Variants in UBE2U observed in about 807,000 individuals in gnomAD.
UBE2U encodes ubiquitin conjugating enzyme E2 U.
A neutral mutation model predicts 41.2 loss-of-function variants in UBE2U; 39 were observed. The observed-to-expected ratio is 0.95, with a 90% CI of 0.73 to 1.24. The LOEUF (loss-of-function observed/expected upper bound fraction) is 1.24. UBE2U is among the 50% of genes most tolerant of loss of function. The pLI is 0.00. For missense variants in UBE2U, 336 were observed against 363.1 expected, an observed-to-expected ratio of 0.93 and a Z score of 0.61; for synonymous variants, 107 against 117.8, an observed-to-expected ratio of 0.91 and a Z score of 0.60.
intron 6 of UBE2U, among the ~76,000 whole-genome samples, chr1:64,227,350 A>G (rs1297156883): frequency 6.6e-6 from 1 of 152,238 alleles, no homozygotes; most frequent in African/African-American, 2.4e-5. Flanking sequence ...CATAGATAAC[A>G]TGATTATGTG....
intron 7 of UBE2U, among the ~76,000 whole-genome samples, chr1:64,234,331 TC>T (rs1470099767): frequency 2.8e-4 from 43 of 152,208 alleles, no homozygotes; most frequent in Admixed American, 2.2e-3. Flanking sequence ...CTTAGATGTT[TC>T]CTACATCTCT....
chr1:64,260,776 TTAAG>T (rs2100548275), intron 9 of UBE2U, 82 bp downstream of exon 9: 1 of 1,128,478 alleles, frequency 8.9e-7, no homozygotes, highest in South Asian at 1.5e-5. Context: ...TTTTTTCCAT[TTAAG>T]TAAGTTGGAA....
At chr1:64,239,123 G>GA (rs1278254167) in intron 7 of UBE2U, among the ~76,000 whole-genome samples, 1 of 24,640 alleles carries the variant, frequency 4.1e-5, no homozygotes, top group Non-Finnish European at 7.5e-5. Flanking sequence ...AGAAGAAGAA[G>GA]AAGAAGAAGA....
At chr1:64,219,764 T>A (rs1030471907) in intron 5 of UBE2U, among the ~76,000 whole-genome samples, 2 of 151,862 alleles carry the variant, frequency 1.3e-5, no homozygotes, top group African/African-American at 4.8e-5. Context: ...CCTGGCTAAT[T>A]TTTTTGTATT....
chr1:64,209,865 G>C (rs1191214924), intron 3 of UBE2U, among the ~76,000 whole-genome samples: 2 of 152,058 alleles, frequency 1.3e-5, no homozygotes, highest in Non-Finnish European at 2.9e-5. Flanking sequence ...TAAGAGTCTT[G>C]CTATTATTTT....
intron 3 of UBE2U, among the ~76,000 whole-genome samples, chr1:64,207,297 T>G (rs1033386524): frequency 2.0e-4 from 31 of 152,086 alleles, no homozygotes; most frequent in African/African-American, 7.5e-4. Context: ...ACTACAGGCA[T>G]GCGCCACCAC....
At chr1:64,239,172 G>GAAGA (rs1553169044) in intron 7 of UBE2U, among the ~76,000 whole-genome samples, 21 of 95,708 alleles carry the variant, frequency 2.2e-4, no homozygotes, top group African/African-American at 8.0e-4. Flanking sequence ...AGAAGAAGAA[G>GAAGA]AAGAAGAAGA....
At chr1:64,225,943 T>G (rs960709812) in intron 6 of UBE2U, among the ~76,000 whole-genome samples, 2 of 152,250 alleles carry the variant, frequency 1.3e-5, no homozygotes, top group African/African-American at 4.8e-5. Flanking sequence ...CACAACCAGT[T>G]TGAAACAGTT....
At chr1:64,248,823 G>A (rs890490755) in intron 8 of UBE2U, among the ~76,000 whole-genome samples, 2 of 151,914 alleles carry the variant, frequency 1.3e-5, no homozygotes, top group African/African-American at 2.4e-5. Context: ...AAATCCTAAC[G>A]GTTTTTTTAA....
At chr1:64,224,903 G>C (rs1302648876) in intron 6 of UBE2U, among the ~76,000 whole-genome samples, 1 of 150,528 alleles carries the variant, frequency 6.6e-6, no homozygotes, top group Non-Finnish European at 1.5e-5. Flanking sequence ...TAAATGAAAA[G>C]AGTGCCTTAT....
At chr1:64,226,959 C>T (rs1055283345) in intron 6 of UBE2U, among the ~76,000 whole-genome samples, 1 of 152,074 alleles carries the variant, frequency 6.6e-6, no homozygotes, top group Non-Finnish European at 1.5e-5. Flanking sequence ...TATAAGAAAG[C>T]AAGGTTGGTT....
At chr1:64,246,671 G>T (rs1262718003) in intron 8 of UBE2U, among the ~76,000 whole-genome samples, 1 of 152,070 alleles carries the variant, frequency 6.6e-6, no homozygotes, top group Non-Finnish European at 1.5e-5. Flanking sequence ...CTGCTTGGAT[G>T]TTTTTAGAGA....
At chr1:64,235,159 A>G (rs1384114785) in intron 7 of UBE2U, among the ~76,000 whole-genome samples, 1 of 152,230 alleles carries the variant, frequency 6.6e-6, no homozygotes, top group Admixed American at 6.5e-5. Context: ...CTTCAAAAAG[A>G]GTTTGGCCCC....
At chr1:64,255,310 C>T (rs753370186) in intron 8 of UBE2U, among the ~76,000 whole-genome samples, 1 of 151,986 alleles carries the variant, frequency 6.6e-6, no homozygotes, top group Non-Finnish European at 1.5e-5. Flanking sequence ...CAGAACCAGA[C>T]AGATTCACAG....
intron 8 of UBE2U, among the ~76,000 whole-genome samples, chr1:64,256,077 C>T (rs1455328709): frequency 1.3e-5 from 2 of 152,014 alleles, no homozygotes; most frequent in Non-Finnish European, 2.9e-5. Flanking sequence ...AAGTGAAGGA[C>T]CTCTTCACAG....
At position 64,215,694 on chromosome 1, in the gene UBE2U, T is replaced by C. The variant is rs1010794505; in HGVS notation, c.457+762T>C. Among the ~76,000 whole-genome samples the C allele has an allele frequency of 2.0e-5, 3 of 152,322 alleles. No homozygotes were observed. In the South Asian group the frequency reaches 6.2e-4, roughly 32 times the overall value. On this transcript the variant is annotated intron_variant, in intron 5 of 9. Coordinates refer to ENST00000371077, the MANE Select transcript of UBE2U (RefSeq NM_001366232.2). ...CAGGAATTCCTTCTAAGAATCCATGTGGAAATAGAGCCTGAAGCTCTTCAG... is the reference window on the plus strand; with the variant it reads ...CAGGAATTCCTTCTAAGAATCCATGCGGAAATAGAGCCTGAAGCTCTTCAG...
chr1:64,239,089 AGAG>A (rs879301867), intron 7 of UBE2U, among the ~76,000 whole-genome samples: 1,952 of 54,902 alleles, frequency 0.036, 159 homozygotes, highest in East Asian at 0.21. Context: ...AGGAAGAGGA[AGAG>A]GAAGAAGAAG....
intron 8 of UBE2U, among the ~76,000 whole-genome samples, chr1:64,257,972 G>A (rs4915959): frequency 6.6e-6 from 1 of 151,510 alleles, no homozygotes; most frequent in Admixed American, 6.6e-5. Flanking sequence ...ACCTGATAAA[G>A]CATATTTATT....
At chr1:64,228,345 G>A (rs1278310574) in intron 6 of UBE2U, among the ~76,000 whole-genome samples, 1 of 152,172 alleles carries the variant, frequency 6.6e-6, no homozygotes, top group Non-Finnish European at 1.5e-5. Context: ...TGCAAGAGCT[G>A]TTGAGGAGGC....
Sources: gnomAD v4.1 joint callset for allele counts (sites outside exome capture counted in the v4.1 genomes callset) on GRCh38, gnomAD v4.1.1 for gene constraint, MANE v1.5 for transcripts, NCBI Gene and HGNC (gene_info 2026-07-23, HGNC 2026-07-21) for gene names.